CSMD1: variants seen among roughly 807,000 people sequenced by gnomAD.
The protein encoded by CSMD1 is CUB and sushi domain-containing protein 1.
A neutral mutation model predicts 417.5 loss-of-function variants in CSMD1; 213 were observed. The ratio of observed to expected loss-of-function variants is 0.51; its 90% CI spans 0.46 to 0.57. The LOEUF (loss-of-function observed/expected upper bound fraction) is 0.57. Among genes scored for constraint, CSMD1 ranks in the 20% least tolerant of loss-of-function variants. The pLI is 0.00. For synonymous variants in CSMD1, 2,862 were observed against 1,736.8 expected (o/e 1.65, Z -16.11); for missense variants, 6,923 against 4,529.7 (o/e 1.53, Z -15.17).
chr8:3,994,447 G>GAAA (rs56184992), intron 5 of CSMD1, among the ~76,000 whole-genome samples: 18,550 of 118,170 alleles, frequency 0.16, 1,736 homozygotes, highest in Non-Finnish European at 0.22. Context: ...AATCTCTTCA[G>GAAA]AAAAAAAAAA....
chr8:4,541,882 C>T (rs1164609100), intron 2 of CSMD1, among the ~76,000 whole-genome samples: 1 of 152,100 alleles, frequency 6.6e-6, no homozygotes. Flanking sequence ...GGGATGGAGG[C>T]TGGAGGCGCC....
intron 2 of CSMD1, among the ~76,000 whole-genome samples, chr8:4,423,042 A>C (rs764189765): frequency 6.6e-6 from 1 of 152,046 alleles, no homozygotes; most frequent in Non-Finnish European, 1.5e-5. Context: ...TTGACAAAGA[A>C]TATCTCTACA....
intron 3 of CSMD1, among the ~76,000 whole-genome samples, chr8:4,107,325 T>C (rs1432154991): frequency 1.3e-5 from 2 of 152,144 alleles, no homozygotes; most frequent in Non-Finnish European, 2.9e-5. Flanking sequence ...ATAGAGAGGA[T>C]TTCCATTCAG....
intron 31 of CSMD1, among the ~76,000 whole-genome samples, chr8:3,204,692 T>C (rs1279312174): frequency 6.6e-6 from 1 of 152,218 alleles, no homozygotes; most frequent in Non-Finnish European, 1.5e-5. Context: ...TTATCTCAAA[T>C]ACGTCTAACA....
chr8:3,399,291 G>GA (rs1486346404), intron 16 of CSMD1, 100 bp downstream of exon 16: 7 of 1,191,512 alleles, frequency 5.9e-6, no homozygotes, highest in African/African-American at 1.5e-5. Flanking sequence ...TGCGGGAACC[G>GA]AAAAAAACTG....
intron 1 of CSMD1, among the ~76,000 whole-genome samples, chr8:4,803,097 G>C (rs1585124935): frequency 1.3e-5 from 2 of 152,106 alleles, no homozygotes; most frequent in Non-Finnish European, 2.9e-5. Flanking sequence ...CAATTGCTTA[G>C]TCTTATTTAA....
intron 3 of CSMD1, among the ~76,000 whole-genome samples, chr8:4,086,459 A>C (rs1220294699): frequency 6.6e-6 from 1 of 152,208 alleles, no homozygotes; most frequent in Non-Finnish European, 1.5e-5. Context: ...CTACACTCTA[A>C]TTCATTAATT....
At chr8:4,742,191 C>A (rs894530403) in intron 1 of CSMD1, among the ~76,000 whole-genome samples, 2 of 150,992 alleles carry the variant, frequency 1.3e-5, no homozygotes, top group African/African-American at 2.4e-5. Context: ...CCACCACGCC[C>A]GGCTAATTTT....
intron 3 of CSMD1, among the ~76,000 whole-genome samples, chr8:4,256,251 T>C (rs1803447842): frequency 6.6e-6 from 1 of 152,220 alleles, no homozygotes; most frequent in African/African-American, 2.4e-5. Context: ...CTCTCTCTGC[T>C]TTGAGTCCCT....
rs563276786 is a variant in CSMD1 at position 3,203,453 on chromosome 8, G to A, written c.4985-1728C>T. Among the ~76,000 whole-genome samples, 6 of 152,310 alleles carry A rather than the reference G, an allele frequency of 3.9e-5. No homozygotes were observed. In the South Asian group the frequency reaches 8.3e-4, roughly 21 times the overall value. ...CAAAGGGTTATGGGGCTTCAGCCGC[G>A]GGAACTGTCAATGCTTCATGGTGAG... On this transcript the variant is annotated intron_variant, in intron 31 of 69. Coordinates refer to ENST00000635120, the MANE Select transcript of CSMD1 (RefSeq NM_033225.6).
intron 1 of CSMD1, among the ~76,000 whole-genome samples, chr8:4,780,525 C>G (rs75391275): frequency 0.01 from 1,550 of 152,146 alleles, 12 homozygotes; most frequent in East Asian, 0.049. Context: ...ACGAACCTGC[C>G]TTGATGTTTT....
chr8:3,079,374 C>T (rs1813920854), intron 49 of CSMD1, among the ~76,000 whole-genome samples: 1 of 152,124 alleles, frequency 6.6e-6, no homozygotes, highest in Non-Finnish European at 1.5e-5. Context: ...TGTGATTTGA[C>T]ATTTAAAATC....
At chr8:4,754,470 T>A (rs939185644) in intron 1 of CSMD1, among the ~76,000 whole-genome samples, 4 of 152,026 alleles carry the variant, frequency 2.6e-5, no homozygotes, top group African/African-American at 9.7e-5. Context: ...ATCTGTGTCA[T>A]GCATGCAATT....
intron 5 of CSMD1, among the ~76,000 whole-genome samples, chr8:3,804,307 T>G (rs867230780): frequency 2.6e-5 from 4 of 152,170 alleles, no homozygotes; most frequent in African/African-American, 9.7e-5. Context: ...TAATTTTTTT[T>G]GTGCTGAGAC....
chr8:4,328,026 T>C (rs996820002), intron 3 of CSMD1, among the ~76,000 whole-genome samples: 2 of 152,166 alleles, frequency 1.3e-5, no homozygotes, highest in Non-Finnish European at 2.9e-5. Flanking sequence ...TAAGAGGTAC[T>C]TAGCGTCAGT....
At chr8:4,214,287 T>C (rs1204325716) in intron 3 of CSMD1, among the ~76,000 whole-genome samples, 1 of 152,152 alleles carries the variant, frequency 6.6e-6, no homozygotes, top group Non-Finnish European at 1.5e-5. Context: ...TTATTAAAAT[T>C]AGTAGTAATA....
chr8:3,096,081 A>G (rs1332193807), intron 47 of CSMD1, among the ~76,000 whole-genome samples: 1 of 152,154 alleles, frequency 6.6e-6, no homozygotes, highest in Non-Finnish European at 1.5e-5. Context: ...TTCCTAAAAT[A>G]TCTTGTGAAT....
At chr8:3,057,610 G>C (rs1469959482) in intron 49 of CSMD1, among the ~76,000 whole-genome samples, 1 of 151,938 alleles carries the variant, frequency 6.6e-6, no homozygotes, top group Non-Finnish European at 1.5e-5. Flanking sequence ...TTCACTACAA[G>C]CCTATTAGAT....
At chr8:4,320,506 C>G (rs1227337045) in intron 3 of CSMD1, among the ~76,000 whole-genome samples, 1 of 152,088 alleles carries the variant, frequency 6.6e-6, no homozygotes, top group Non-Finnish European at 1.5e-5. Flanking sequence ...TATTCCTCCC[C>G]TAGACCCCCA....
Sources: gnomAD v4.1 joint callset for allele counts (sites outside exome capture counted in the v4.1 genomes callset) on GRCh38, gnomAD v4.1.1 for gene constraint, MANE v1.5 for transcripts, NCBI Gene and HGNC (gene_info 2026-07-23, HGNC 2026-07-21) for gene names.